Variants in RABGAP1L observed in about 807,000 individuals in gnomAD.
RABGAP1L encodes the protein RAB GTPase activating protein 1 like.
RABGAP1L carries 63 observed loss-of-function variants against 137.7 expected under a neutral mutation model. That is an observed-to-expected ratio of 0.46 (90% CI 0.37 to 0.56). RABGAP1L has a LOEUF of 0.56. RABGAP1L is among the 20% of genes least tolerant of loss of function. The pLI is 0.00. For synonymous variants in RABGAP1L, 431 were observed against 433.7 expected (o/e 0.99, Z 0.08); for missense variants, 1,095 against 1,244.0 (o/e 0.88, Z 1.80).
chr1:174,492,035 A>G (rs939732787), intron 13 of RABGAP1L, among the ~76,000 whole-genome samples: 1 of 152,122 alleles, frequency 6.6e-6, no homozygotes, highest in African/African-American at 2.4e-5. Context: ...AGTTAAAACC[A>G]GGTAGTGTGA....
intron 13 of RABGAP1L, among the ~76,000 whole-genome samples, chr1:174,544,612 G>A (rs1056468494): frequency 6.6e-6 from 1 of 152,202 alleles, no homozygotes; most frequent in Non-Finnish European, 1.5e-5. Context: ...ACTTGTCAAA[G>A]TCATTCTCTA....
At chr1:174,615,070 TCTCAA>T (rs1247697708) in intron 13 of RABGAP1L, among the ~76,000 whole-genome samples, 2 of 152,272 alleles carry the variant, frequency 1.3e-5, no homozygotes, top group Non-Finnish European at 2.9e-5. Context: ...AGCCTTCTTC[TCTCAA>T]CTCGTCAAAG....
At chr1:174,857,899 A>G (rs1025086837) in intron 19 of RABGAP1L, among the ~76,000 whole-genome samples, 1 of 152,246 alleles carries the variant, frequency 6.6e-6, no homozygotes, top group Admixed American at 6.5e-5. Flanking sequence ...GGTCAGAAAC[A>G]ATATCAGATT....
chr1:174,257,642 C>T (rs1571810601), intron 7 of RABGAP1L, among the ~76,000 whole-genome samples: 1 of 152,224 alleles, frequency 6.6e-6, no homozygotes, highest in Middle Eastern at 3.4e-3. Flanking sequence ...TTTTCCAGAG[C>T]ACATTATGTC....
rs1231808789 is a variant in RABGAP1L, at chr1:174,225,335, A to G, written c.331+4171A>G. ...TTCACGTTTATTTTATGGATTATTT[A>G]TGGAGCAACTGGGACATCTTGGGAT... On this transcript the variant is annotated intron_variant, in intron 3 of 25. Transcript: ENST00000681986. Among the ~76,000 whole-genome samples the G allele has an allele frequency of 2.6e-5, 4 of 151,912 alleles. No individual in the cohort carries two copies. In the East Asian group the frequency reaches 7.7e-4, roughly 29 times the overall value.
chr1:174,964,607 C>T (rs549111881), intron 20 of RABGAP1L, among the ~76,000 whole-genome samples: 10 of 152,246 alleles, frequency 6.6e-5, no homozygotes, highest in South Asian at 6.2e-4. Flanking sequence ...TTCCTTCCAC[C>T]CAGCTTTAAC....
chr1:174,691,747 T>C (rs1678889772), intron 15 of RABGAP1L, among the ~76,000 whole-genome samples: 1 of 152,172 alleles, frequency 6.6e-6, no homozygotes, highest in African/African-American at 2.4e-5. Flanking sequence ...TTTAGACCAA[T>C]TGCATAAATT....
chr1:174,506,845 A>G (rs1424243442), intron 13 of RABGAP1L, among the ~76,000 whole-genome samples: 1 of 152,096 alleles, frequency 6.6e-6, no homozygotes, highest in African/African-American at 2.4e-5. Flanking sequence ...AAAAAAACTC[A>G]CACCTGTAAT....
intron 13 of RABGAP1L, among the ~76,000 whole-genome samples, chr1:174,589,032 C>T (rs1669346890): frequency 6.6e-6 from 1 of 152,134 alleles, no homozygotes. Context: ...CTATACTGTT[C>T]TTCATAGTGG....
chr1:174,974,693 C>G (rs995894927), intron 21 of RABGAP1L, among the ~76,000 whole-genome samples: 2 of 152,202 alleles, frequency 1.3e-5, no homozygotes, highest in East Asian at 3.8e-4. Flanking sequence ...GATCTGCAAA[C>G]AAAGCTCTAA....
chr1:174,735,378 G>C (rs546314580), intron 17 of RABGAP1L, among the ~76,000 whole-genome samples: 3 of 151,816 alleles, frequency 2.0e-5, no homozygotes, highest in Non-Finnish European at 4.4e-5. Context: ...CTAGATAATA[G>C]GGTCAACTCA....
chr1:174,963,360 C>T (rs1004080345), intron 20 of RABGAP1L, among the ~76,000 whole-genome samples: 1 of 151,966 alleles, frequency 6.6e-6, no homozygotes. Context: ...AAAACTAAAT[C>T]CTTTTGGCTT....
intron 13 of RABGAP1L, among the ~76,000 whole-genome samples, chr1:174,398,085 A>G (rs150701259): frequency 2.0e-4 from 31 of 152,294 alleles, no homozygotes; most frequent in African/African-American, 7.2e-4. Flanking sequence ...TCTCACGGAT[A>G]TGTTACCCTC....
chr1:174,667,948 T>A (rs1484824171), intron 14 of RABGAP1L, among the ~76,000 whole-genome samples: 1 of 152,132 alleles, frequency 6.6e-6, no homozygotes, highest in Admixed American at 6.6e-5. Flanking sequence ...AATTGCTGAG[T>A]GAAGGTATAT....
At chr1:174,378,698 A>G (rs1307125607) in intron 12 of RABGAP1L, among the ~76,000 whole-genome samples, 1 of 151,780 alleles carries the variant, frequency 6.6e-6, no homozygotes, top group Non-Finnish European at 1.5e-5. Flanking sequence ...CCTTTGTCAG[A>G]TGAGTAGGTT....
At chr1:174,512,107 A>C (rs1385738667) in intron 13 of RABGAP1L, among the ~76,000 whole-genome samples, 2 of 152,198 alleles carry the variant, frequency 1.3e-5, no homozygotes, top group African/African-American at 4.8e-5. Flanking sequence ...CATTGTCTCA[A>C]ACTAGATGAT....
chr1:174,415,275 C>T (rs1458960302), intron 13 of RABGAP1L, among the ~76,000 whole-genome samples: 2 of 151,936 alleles, frequency 1.3e-5, no homozygotes, highest in Non-Finnish European at 2.9e-5. Context: ...TCTAGATTAA[C>T]AATTTATTTT....
At chr1:174,299,584 A>G (rs1365834246) in intron 10 of RABGAP1L, among the ~76,000 whole-genome samples, 1 of 152,250 alleles carries the variant, frequency 6.6e-6, no homozygotes, top group African/African-American at 2.4e-5. Context: ...GCAGAGAGAA[A>G]CAAACATGCT....
At chr1:174,549,084 T>C (rs1666239976) in intron 13 of RABGAP1L, among the ~76,000 whole-genome samples, 1 of 152,174 alleles carries the variant, frequency 6.6e-6, no homozygotes, top group Non-Finnish European at 1.5e-5. Context: ...AAGTGGATAC[T>C]GAAAACTAGT....
Sources: allele counts gnomAD v4.1 joint callset (sites outside exome capture counted in the v4.1 genomes callset), GRCh38; gene constraint gnomAD v4.1.1; transcripts MANE v1.5; gene names NCBI Gene and HGNC (gene_info 2026-07-23, HGNC 2026-07-21).